The following FANCA variants were observed in gnomAD, a reference collection of about 807,000 sequenced individuals.
FANCA encodes FA complementation group A.
FANCA carries 236 observed loss-of-function variants against 194.3 expected under a neutral mutation model. The observed-to-expected ratio is 1.21, with a 90% confidence interval of 1.09 to 1.35. The LOEUF is 1.35. Ranked by LOEUF, FANCA falls within the 40% of genes most tolerant of loss-of-function variation. The probability of loss-of-function intolerance (pLI) is 0.00; values close to 1 mark genes in which losing one functional copy is unlikely to be tolerated. For synonymous variants in FANCA, 1,014 were observed against 715.8 expected, an observed-to-expected ratio of 1.42 and a Z score of -6.65; for missense variants, 2,628 against 1,813.9, an observed-to-expected ratio of 1.45 and a Z score of -8.15.
At chr16:89,755,386 G>A (rs1242420218) in intron 30 of FANCA, among the ~76,000 whole-genome samples, 1 of 151,852 alleles carries the variant, frequency 6.6e-6, no homozygotes, top group South Asian at 2.1e-4. Flanking sequence ...GCTAGTTTTT[G>A]TATTTTTTTA....
At chr16:89,771,593 T>G in intron 23 of FANCA, 85 bp downstream of exon 23, 6 of 1,503,340 alleles carry the variant, frequency 4.0e-6, no homozygotes, top group Non-Finnish European at 5.5e-6. Flanking sequence ...AAACAGAAAT[T>G]GAGAGAAGGC....
Position 89,782,992 on chromosome 16 carries a change from G to A in FANCA, c.1566+15C>T. 1.2e-6 allele frequency: 2 copies of A among 1,613,178 alleles called. No homozygotes were observed. Among genetic ancestry groups the A allele is most frequent in the Non-Finnish European group, 1.7e-6 (2 of 1,179,104 alleles). ...TGGGACAGGTGTGAGGAGTGGGCAT[G>A]GAGGGACAGCTTGCCTTGAGGTCGG... On this transcript the variant is annotated intron_variant, in intron 16 of 42. Transcript: ENST00000389301.
chr16:89,761,010 T>C (rs1405827607), intron 29 of FANCA, among the ~76,000 whole-genome samples: 2 of 152,148 alleles, frequency 1.3e-5, no homozygotes, highest in African/African-American at 4.8e-5. Context: ...AAAGGTGCCA[T>C]ATGGGCAGGC....
rs2062005646 is a variant in FANCA at position 89,738,000 on chromosome 16, C to A, written c.*601G>T. ...GGTGTGAGGTCTGTGGGTTCCAGTG[C>A]AGGCAGCGGGCATCCCTCAAGTACC... On this transcript the variant is annotated 3_prime_UTR_variant, in exon 43 of 43. Coordinates refer to ENST00000389301, the MANE Select transcript of FANCA (RefSeq NM_000135.4). 1.9e-6 allele frequency: 3 copies of A among 1,614,184 alleles called. No homozygotes were observed. The highest frequency in any genetic ancestry group is 2.5e-6 in the Non-Finnish European group (3 of 1,180,038).
At chr16:89,749,674 T>C in intron 32 of FANCA, 56 bp downstream of exon 32, 18 of 1,560,196 alleles carry the variant, frequency 1.2e-5, no homozygotes, top group Non-Finnish European at 1.5e-5. Flanking sequence ...AGGACCGTCA[T>C]GAGATGCTGC....
Position 89,738,428 on chromosome 16 carries a change from C to A in FANCA, c.*173G>T, listed in dbSNP as rs568833102. The A allele has an allele frequency of 1.9e-4, 263 of 1,376,020 alleles. 2 individuals are homozygous for A. In the Admixed American group the frequency reaches 5.4e-3, roughly 28 times the overall value. The allele number at this position is 1,376,020 out of a possible 1,614,324, so 85.2% of individuals were successfully genotyped here. On this transcript the variant is annotated 3_prime_UTR_variant, in exon 43 of 43. Coordinates refer to ENST00000389301, the MANE Select transcript of FANCA (RefSeq NM_000135.4). ...GCTCTGGGACCAGTGGTTTATTTTC[C>A]CGCAAACGCTGAGTGACTCGGGGCC...
chr16:89,782,763 G>A lies in FANCA; in HGVS notation c.1626+96C>T. The A allele has an allele frequency of 8.9e-6, 10 of 1,118,864 alleles. No individual in the cohort carries two copies. The South Asian group carries it at 1.0e-4, about 11-fold the overall frequency. The allele number at this position is 1,118,864 out of a possible 1,614,324, so 69.3% of individuals were successfully genotyped here. On this transcript the variant is annotated intron_variant, in intron 17 of 42. Coordinates refer to ENST00000389301, the MANE Select transcript of FANCA (RefSeq NM_000135.4). Reference sequence around the variant, plus strand: ...GAGGCAAGACCAGACATGAGACTGGGAAGGCTGAAAAACTCAACTCAAGAG... The same window carrying A: ...GAGGCAAGACCAGACATGAGACTGGAAAGGCTGAAAAACTCAACTCAAGAG...
rs201225325 is a variant in FANCA, at chr16:89,739,195, C to G, written c.4105G>C (p.Val1369Leu). ...GAAACTGTGCTTGTATCCCCAGCCA[C>G]GAAGAGCTGGACCAGCTTCAAGTAC... ...DMYLKLVQLF[V>L]AGDTSTVSPP... Residue 1369 changes from valine to leucine, a missense_variant, in exon 41 of 43, where the codon GTG becomes CTG. Val to Leu is a conservative substitution (Grantham distance 32). Transcript: ENST00000389301. The G allele has an allele frequency of 7.4e-6, 12 of 1,614,172 alleles. No individual in the cohort carries two copies. Among genetic ancestry groups the G allele is most frequent in the South Asian group, 1.1e-5 (1 of 91,088 alleles).
intron 17 of FANCA, among the ~76,000 whole-genome samples, chr16:89,781,986 G>A (rs1017883880): frequency 8.0e-5 from 12 of 150,430 alleles, no homozygotes; most frequent in East Asian, 2.0e-4. Flanking sequence ...CAGCCTGGGC[G>A]ACAGAGCGAG....
chr16:89,755,634 A>G (rs1424222743), intron 30 of FANCA, among the ~76,000 whole-genome samples: 2 of 152,246 alleles, frequency 1.3e-5, no homozygotes, highest in Non-Finnish European at 2.9e-5. Flanking sequence ...GTGAAAAAAG[A>G]ATTAACAGAA....
At chr16:89,816,387 C>T in intron 1 of FANCA, 150 bp downstream of exon 1, 1 of 553,990 alleles carries the variant, frequency 1.8e-6, no homozygotes, top group East Asian at 4.0e-5. Context: ...AGCCGCGCCG[C>T]CCCAGCCGGG....
chr16:89,780,651 A>C (rs2039668913), intron 17 of FANCA, among the ~76,000 whole-genome samples: 1 of 151,476 alleles, frequency 6.6e-6, no homozygotes, highest in Admixed American at 6.6e-5. Flanking sequence ...TTCTGAGGCC[A>C]GGCGCGGCAG....
In FANCA at chr16:89,782,913, A is replaced by G; in HGVS notation, c.1572T>C (p.Ser524=). 6.2e-7 allele frequency: 1 copy of G among 1,614,104 alleles called. No individual in the cohort carries two copies. Among genetic ancestry groups the G allele is most frequent in the Non-Finnish European group, 8.5e-7 (1 of 1,179,922 alleles). The change falls in exon 17 of 43, where the codon TCT becomes TCC. Residue 524 remains serine (S), a synonymous_variant. Coordinates refer to ENST00000389301, the MANE Select transcript of FANCA (RefSeq NM_000135.4). ...AKTRLADLKV[S]IENMGLYEDL... Reference sequence around the variant, plus strand: ...CCTCGTAGAGTCCCATGTTTTCTATAGAAACCTTCAGGGAAGACACAGAAT... The same window carrying G: ...CCTCGTAGAGTCCCATGTTTTCTATGGAAACCTTCAGGGAAGACACAGAAT...
At chr16:89,770,657 A>C (rs768847484) in intron 23 of FANCA, 23 bp from the exon 24 acceptor site, 40 of 1,588,704 alleles carry the variant, frequency 2.5e-5, no homozygotes, top group Non-Finnish European at 3.3e-5. Context: ...AGTTCTCATG[A>C]GCGTGGTGTC....
intron 14 of FANCA, among the ~76,000 whole-genome samples, chr16:89,785,832 T>G (rs1290991508): frequency 6.7e-6 from 1 of 149,236 alleles, no homozygotes; most frequent in African/African-American, 2.5e-5. Flanking sequence ...CCTTGGTCTT[T>G]CTGAAAGCGT....
chr16:89,806,891 G>A (rs1472176550), intron 6 of FANCA, among the ~76,000 whole-genome samples: 2 of 152,116 alleles, frequency 1.3e-5, no homozygotes, highest in African/African-American at 2.4e-5. Flanking sequence ...GGTGGTGGCC[G>A]GGTAGAGGGG....
chr16:89,789,987 G>C (rs1019194387), intron 14 of FANCA, among the ~76,000 whole-genome samples: 1 of 152,078 alleles, frequency 6.6e-6, no homozygotes, highest in African/African-American at 2.4e-5. Context: ...TGCCCACTTA[G>C]GTTCAGGAAC....
At chr16:89,780,793 G>A (rs188022900) in intron 17 of FANCA, among the ~76,000 whole-genome samples, 64 of 152,086 alleles carry the variant, frequency 4.2e-4, no homozygotes, top group African/African-American at 1.5e-3. Flanking sequence ...AGCCAGGCAT[G>A]GTGGCGCACA....
chr16:89,791,609 G>T lies in FANCA; in HGVS notation c.1226-73C>A, dbSNP rs953778143. 5 of 1,594,530 alleles carry T rather than the reference G, an allele frequency of 3.1e-6. No homozygotes were observed. The Admixed American group carries it at 6.8e-5, about 22-fold the overall frequency. ...AGGAACATGACGTGAGTTATGCTGG[G>T]TGATCAAGTATTCCAGAAGGAGACT... On this transcript the variant is annotated intron_variant, in intron 13 of 42. Transcript: ENST00000389301.
Sources: allele counts gnomAD v4.1 joint callset (sites outside exome capture counted in the v4.1 genomes callset), GRCh38; gene constraint gnomAD v4.1.1; transcripts MANE v1.5; gene names NCBI Gene and HGNC (gene_info 2026-07-23, HGNC 2026-07-21).